PLCL1: variants seen among roughly 807,000 people sequenced by gnomAD.
PLCL1 encodes the protein phospholipase C like 1 (inactive), also known as inactive phospholipase C-like protein 1.
Under a neutral mutation model 84.4 loss-of-function variants are expected in PLCL1, and 41 were observed. That is an observed-to-expected ratio of 0.49 (90% CI 0.38 to 0.63). PLCL1 has a LOEUF of 0.63. PLCL1 is among the 30% of genes least tolerant of loss of function. The probability of loss-of-function intolerance (pLI) is 0.00; values close to 1 mark genes in which losing one functional copy is unlikely to be tolerated. For missense variants in PLCL1, 1,206 were observed against 1,367.8 expected (o/e 0.88, Z 1.87); for synonymous variants, 490 against 488.3 (o/e 1.00, Z -0.05).
intron 1 of PLCL1, among the ~76,000 whole-genome samples, chr2:197,851,388 A>G (rs1181159297): frequency 6.6e-6 from 1 of 152,354 alleles, no homozygotes; most frequent in African/African-American, 2.4e-5. Context: ...GTAATAATCA[A>G]TCTAGAATCT....
intron 1 of PLCL1, among the ~76,000 whole-genome samples, chr2:197,985,107 G>A (rs1012536798): frequency 6.6e-6 from 1 of 152,190 alleles, no homozygotes; most frequent in African/African-American, 2.4e-5. Context: ...GTACTACCAT[G>A]GGCAGCTGAA....
intron 1 of PLCL1, among the ~76,000 whole-genome samples, chr2:197,844,107 T>C (rs1237643916): frequency 6.6e-6 from 1 of 152,158 alleles, no homozygotes; most frequent in Non-Finnish European, 1.5e-5. Context: ...CTATTTTTTA[T>C]TTTTGGCAAG....
At chr2:198,010,892 T>C (rs879523230) in intron 1 of PLCL1, among the ~76,000 whole-genome samples, 1 of 151,924 alleles carries the variant, frequency 6.6e-6, no homozygotes, top group Non-Finnish European at 1.5e-5. Flanking sequence ...ATTTGTCTTT[T>C]TTTAGATTAT....
chr2:197,955,615 A>ACT (rs1198577371), intron 1 of PLCL1, among the ~76,000 whole-genome samples: 1 of 150,906 alleles, frequency 6.6e-6, no homozygotes, highest in African/African-American at 2.4e-5. Context: ...TTTAACTCCC[A>ACT]CTTATGAGTG....
intron 1 of PLCL1, among the ~76,000 whole-genome samples, chr2:197,920,951 G>A (rs780637662): frequency 6.6e-6 from 1 of 152,204 alleles, no homozygotes; most frequent in Non-Finnish European, 1.5e-5. Flanking sequence ...ACAGTCATGT[G>A]TCGCTAACGA....
intron 1 of PLCL1, among the ~76,000 whole-genome samples, chr2:197,861,762 G>C (rs1035959805): frequency 2.0e-5 from 3 of 152,128 alleles, no homozygotes; most frequent in Admixed American, 6.6e-5. Flanking sequence ...TGGTGTATGG[G>C]GGGGAACCCC....
intron 1 of PLCL1, among the ~76,000 whole-genome samples, chr2:197,914,429 A>C (rs1016004800): frequency 2.0e-5 from 3 of 151,510 alleles, no homozygotes; most frequent in African/African-American, 7.3e-5. Context: ...TCTTGGGTTC[A>C]AGTGATTCTC....
In PLCL1 at chr2:197,938,748, G is replaced by A. The variant is rs542207072; in HGVS notation, c.240+133409G>A. On this transcript the variant is annotated intron_variant, in intron 1 of 5. Coordinates refer to ENST00000428675, the MANE Select transcript of PLCL1 (RefSeq NM_006226.4). ...TAGTGGCAGGGCTGATTGGATCTGA[G>A]GTTTGTGTGATTCAGAAGCCACTAG... Among the ~76,000 whole-genome samples the A allele has an allele frequency of 2.5e-4, 38 of 152,244 alleles. No homozygotes were observed. The South Asian group carries it at 7.5e-3, about 30-fold the overall frequency.
At chr2:197,945,361 C>T (rs964972058) in intron 1 of PLCL1, among the ~76,000 whole-genome samples, 8 of 152,112 alleles carry the variant, frequency 5.3e-5, no homozygotes, top group East Asian at 3.9e-4. Flanking sequence ...CTCTAAGATA[C>T]GTATGCTTTT....
rs760577848 is a variant in PLCL1 at position 197,983,200 on chromosome 2, C to CTTTTTTTTTTTTT, written c.241-100531_241-100519dup. Among the ~76,000 whole-genome samples, 15 of 60,282 alleles carry CTTTTTTTTTTTTT rather than the reference C, an allele frequency of 2.5e-4. 2 individuals are homozygous for CTTTTTTTTTTTTT. The highest frequency in any genetic ancestry group is 3.9e-4 in the Non-Finnish European group (13 of 33,146). 39.5% of individuals were successfully genotyped at this position (60,282 alleles called of 152,430 possible). On this transcript the variant is annotated intron_variant, in intron 1 of 5. Coordinates refer to ENST00000428675, the MANE Select transcript of PLCL1 (RefSeq NM_006226.4). The stretch of plus-strand genomic sequence containing the variant: ...TTTCTTTTTCTTTTTCTTTTCTTTT[C>CTTTTTTTTTTTTT]TTTTTTTTTTTTTTTTTTTTTTTTT...
intron 1 of PLCL1, among the ~76,000 whole-genome samples, chr2:197,885,263 G>A (rs529646170): frequency 3.9e-5 from 6 of 152,130 alleles, no homozygotes; most frequent in African/African-American, 1.2e-4. Flanking sequence ...AGACCACAAT[G>A]TGCCATCTAC....
chr2:198,055,930 C>T (rs1434094659), intron 1 of PLCL1, among the ~76,000 whole-genome samples: 1 of 152,138 alleles, frequency 6.6e-6, no homozygotes, highest in Non-Finnish European at 1.5e-5. Flanking sequence ...TTCCAACCAA[C>T]CTCCAAGCTT....
intron 1 of PLCL1, among the ~76,000 whole-genome samples, chr2:197,936,244 C>T (rs989917660): frequency 6.6e-6 from 1 of 151,248 alleles, no homozygotes; most frequent in African/African-American, 2.4e-5. Context: ...GATATCTCTT[C>T]AGCATATTGA....
At chr2:198,143,180 G>T (rs1323919848) in intron 5 of PLCL1, among the ~76,000 whole-genome samples, 1 of 152,044 alleles carries the variant, frequency 6.6e-6, no homozygotes, top group African/African-American at 2.4e-5. Flanking sequence ...GGTGTCGGGG[G>T]GTGGTTTTTG....
At chr2:198,143,262 G>T (rs1694431339) in intron 5 of PLCL1, among the ~76,000 whole-genome samples, 1 of 152,112 alleles carries the variant, frequency 6.6e-6, no homozygotes, top group African/African-American at 2.4e-5. Context: ...TAGATCCCTT[G>T]CAGGCTCAGT....
In PLCL1 at chr2:197,805,624, A is replaced by T. The variant is rs1690457621; in HGVS notation, c.240+285A>T. ...CTCATTTTCTCTGCAAGCTTCACTA[A>T]ACCGTTGATGGAGGGAGGAAGGGAG... On this transcript the variant is annotated intron_variant, in intron 1 of 5. Coordinates refer to ENST00000428675, the MANE Select transcript of PLCL1 (RefSeq NM_006226.4). The surrounding 1 kb of genome is among the most constrained non-coding windows in gnomAD (Gnocchi z 4.0). 6.6e-6 allele frequency among the ~76,000 whole-genome samples: 1 copy of T among 152,154 alleles called. No homozygotes were observed. Among genetic ancestry groups the T allele is most frequent in the Non-Finnish European group, 1.5e-5 (1 of 68,012 alleles).
intron 1 of PLCL1, among the ~76,000 whole-genome samples, chr2:197,923,237 G>C (rs1455563884): frequency 6.7e-6 from 1 of 149,122 alleles, no homozygotes; most frequent in Admixed American, 6.6e-5. Context: ...CGGATGGGGC[G>C]GCTGGCCGGG....
At chr2:197,927,858 G>A (rs539666586) in intron 1 of PLCL1, among the ~76,000 whole-genome samples, 4 of 152,194 alleles carry the variant, frequency 2.6e-5, no homozygotes, top group African/African-American at 9.7e-5. Context: ...AACAGACACT[G>A]ATGACTAGCA....
In PLCL1 at chr2:198,118,270, A is replaced by G. The variant is rs962643377; in HGVS notation, c.3105+14334A>G. ...ATCACAGTTTTATCAACCATACTAA[A>G]TCATTCGGTCATCCTCTACTTAATA... is the stretch of plus-strand genomic sequence containing the variant. On this transcript the variant is annotated intron_variant, in intron 5 of 5. Coordinates refer to ENST00000428675, the MANE Select transcript of PLCL1 (RefSeq NM_006226.4). Among the ~76,000 whole-genome samples the G allele has an allele frequency of 7.9e-5, 12 of 151,954 alleles. No individual in the cohort carries two copies. In the South Asian group the frequency reaches 1.9e-3, roughly 24 times the overall value.
Sources: gnomAD v4.1 joint callset for allele counts (sites outside exome capture counted in the v4.1 genomes callset) on GRCh38, gnomAD v4.1.1 for gene constraint, Gnocchi (gnomAD v3.1) non-coding constraint, MANE v1.5 for transcripts, NCBI Gene and HGNC (gene_info 2026-07-23, HGNC 2026-07-21) for gene names.